Variants in ZNF626 observed in about 807,000 individuals in gnomAD.
ZNF626 encodes zinc finger protein 626, also known as CTC-513N18.7.
In ZNF626, 4 loss-of-function variants were observed where a neutral mutation model predicts 11.7. That is an observed-to-expected ratio of 0.34 (90% CI 0.17 to 0.78). ZNF626 has a LOEUF of 0.78. Ranked by LOEUF, ZNF626 falls within the 30% of genes least tolerant of loss-of-function variation. The probability of loss-of-function intolerance (pLI) is 0.57; values close to 1 mark genes in which losing one functional copy is unlikely to be tolerated. For missense variants in ZNF626, 588 were observed against 587.1 expected (o/e 1.00, Z -0.01); for synonymous variants, 179 against 198.6 (o/e 0.90, Z 0.83).
intron 1 of ZNF626, among the ~76,000 whole-genome samples, chr19:20,650,261 T>C (rs1970131896): frequency 6.9e-6 from 1 of 144,306 alleles, no homozygotes; most frequent in African/African-American, 2.5e-5. Context: ...AAAAAAACCA[T>C]AAAAAATTAA....
At chr19:20,633,359 G>C (rs1235500085) in intron 3 of ZNF626, among the ~76,000 whole-genome samples, 2 of 148,192 alleles carry the variant, frequency 1.3e-5, no homozygotes, top group Admixed American at 1.4e-4. Context: ...CTGTCTTTTT[G>C]TTTGTCTGTG....
intron 3 of ZNF626, among the ~76,000 whole-genome samples, chr19:20,637,100 A>AAAAAC (rs781929765): frequency 4.7e-4 from 72 of 151,994 alleles, no homozygotes; most frequent in African/African-American, 1.4e-3. Context: ...CTCAATCTCA[A>AAAAAC]AAAACAAAAC....
intron 2 of ZNF626, among the ~76,000 whole-genome samples, 197 bp from the exon 3 acceptor site, chr19:20,645,976 G>C (rs1970073034): frequency 6.6e-6 from 1 of 152,184 alleles, no homozygotes; most frequent in Non-Finnish European, 1.5e-5. Context: ...TGGTGCTACT[G>C]AATCAAAAAT....
chr19:20,652,451 A>G (rs868976092), intron 1 of ZNF626, among the ~76,000 whole-genome samples: 9 of 152,226 alleles, frequency 5.9e-5, no homozygotes, highest in Admixed American at 3.9e-4. Flanking sequence ...TGTAAAGACA[A>G]TAAGAGAAAC....
chr19:20,646,792 A>T (rs1228870362), intron 1 of ZNF626, among the ~76,000 whole-genome samples: 2 of 152,022 alleles, frequency 1.3e-5, no homozygotes, highest in East Asian at 1.9e-4. Flanking sequence ...AGCTGAAGAC[A>T]TCGTTATGCA....
rs1287925186 is a variant in ZNF626 at position 20,620,156 on chromosome 19, A to C, written c.*4134T>G. On this transcript the variant is annotated 3_prime_UTR_variant, in exon 4 of 4. Coordinates refer to ENST00000601440, the MANE Select transcript of ZNF626 (RefSeq NM_001076675.3). ...GAAGAGGGCTTTTATTGTTGTACTC[A>C]AGAGTGTTATTTCTGGAGACAAAGT... 6.6e-6 allele frequency: 1 copy of C among 152,156 alleles called. No individual in the cohort carries two copies. Among genetic ancestry groups the C allele is most frequent in the Non-Finnish European group, 1.5e-5 (1 of 68,020 alleles). 9.4% of individuals were successfully genotyped at this position (152,156 alleles called of 1,614,324 possible).
chr19:20,628,105 G>T (rs1217781110), intron 3 of ZNF626, among the ~76,000 whole-genome samples: 6 of 152,106 alleles, frequency 3.9e-5, no homozygotes, highest in Admixed American at 3.9e-4. Context: ...CAAAGGACAT[G>T]AACTCATCAT....
intron 1 of ZNF626, among the ~76,000 whole-genome samples, chr19:20,654,834 C>T (rs950498747): frequency 1.3e-5 from 2 of 151,374 alleles, no homozygotes; most frequent in Non-Finnish European, 2.9e-5. Flanking sequence ...TTAGAAAATA[C>T]TGTTTATGGC....
At position 20,654,848 on chromosome 19, in the gene ZNF626, C is replaced by T. The variant is rs987170170; in HGVS notation, c.3+6596G>A. 1.7e-4 allele frequency among the ~76,000 whole-genome samples: 25 copies of T among 151,162 alleles called. No homozygotes were observed. The South Asian group carries it at 1.7e-3, about 10-fold the overall frequency. On this transcript the variant is annotated intron_variant, in intron 1 of 3. Transcript: ENST00000601440. ...TTTAGAAAATACTGTTTATGGCTCA[C>T]GCCTGTAATCCCAGCACTTTGGGAG...
intron 1 of ZNF626, among the ~76,000 whole-genome samples, chr19:20,654,708 A>G (rs902556245): frequency 6.6e-6 from 1 of 152,176 alleles, no homozygotes; most frequent in Admixed American, 6.5e-5. Context: ...CGGAAAAAAA[A>G]AAATCCATAC....
chr19:20,654,819 C>T (rs1026068798), intron 1 of ZNF626, among the ~76,000 whole-genome samples: 1 of 151,830 alleles, frequency 6.6e-6, no homozygotes, highest in Non-Finnish European at 1.5e-5. Context: ...TGTATTCATA[C>T]TATTTTAGAA....
At position 20,646,373 on chromosome 19, in the gene ZNF626, T is replaced by A. The variant is rs1365545752; in HGVS notation, c.36A>T (p.Glu12Asp). Residue 12 changes from glutamate to aspartate, a missense_variant, in exon 2 of 4, where the codon GAA becomes GAT. Around this residue, in one of 4 missense-constraint regions of ZNF626, gnomAD observed 524 missense variants for 470.1 expected, o/e 1.11. Coordinates refer to ENST00000601440, the MANE Select transcript of ZNF626 (RefSeq NM_001076675.3). ...GPLQFRDVAI[E>D]FSLEEWHCLD... ...GGCAATGCCACTCCTCCAGAGAGAA[T>A]TCTATGGCCACATCTCTAAATTGCA... The A allele has an allele frequency of 6.2e-7, 1 of 1,614,098 alleles. No homozygotes were observed. Among genetic ancestry groups the A allele is most frequent in the Non-Finnish European group, 8.5e-7 (1 of 1,179,986 alleles).
At chr19:20,648,543 A>T (rs56243522) in intron 1 of ZNF626, among the ~76,000 whole-genome samples, 14,291 of 151,898 alleles carry the variant, frequency 0.094, 726 homozygotes, top group South Asian at 0.14. Context: ...AGCCCAGCAA[A>T]TTTTTTGTAT....
chr19:20,630,228 G>T (rs1352963047), intron 3 of ZNF626, among the ~76,000 whole-genome samples: 4 of 152,114 alleles, frequency 2.6e-5, no homozygotes, highest in African/African-American at 9.7e-5. Flanking sequence ...AAGGATATTG[G>T]TCGAAAATTC....
intron 1 of ZNF626, among the ~76,000 whole-genome samples, chr19:20,656,799 T>C (rs1377077470): frequency 1.3e-5 from 2 of 151,962 alleles, no homozygotes; most frequent in Non-Finnish European, 2.9e-5. Context: ...AAATAACAGA[T>C]GCTGGCAAGG....
At chr19:20,648,166 A>G (rs376983483) in intron 1 of ZNF626, among the ~76,000 whole-genome samples, 204 of 130,326 alleles carry the variant, frequency 1.6e-3, no homozygotes, top group African/African-American at 6.2e-3. Flanking sequence ...ACAAAGCCAG[A>G]CTCCGTGTCA....
rs1555768500 is a variant in ZNF626, at chr19:20,620,166, T to A, written c.*4124A>T. The stretch of plus-strand genomic sequence containing the variant: ...TTTATTGTTGTACTCAAGAGTGTTA[T>A]TTCTGGAGACAAAGTTGCCTGTGCT... On this transcript the variant is annotated 3_prime_UTR_variant, in exon 4 of 4. Coordinates refer to ENST00000601440, the MANE Select transcript of ZNF626 (RefSeq NM_001076675.3). The A allele has an allele frequency of 6.6e-6, 1 of 152,188 alleles. No individual in the cohort carries two copies. Among genetic ancestry groups the A allele is most frequent in the Non-Finnish European group, 1.5e-5 (1 of 68,032 alleles). The allele number at this position is 152,188 out of a possible 1,614,324, so 9.4% of individuals were successfully genotyped here. A position where few individuals can be genotyped will look rare whatever the true frequency, so the allele number is the denominator to read the frequency against.
At position 20,661,358 on chromosome 19, in the gene ZNF626, G is replaced by C. The variant is rs1183797966; in HGVS notation, c.3+86C>G. ...GGAGCAGACTGTGGAGCTGACTGCG[G>C]GGAGGCCTGAGTCCCGCCACAGCCA... On this transcript the variant is annotated intron_variant, in intron 1 of 3. Transcript: ENST00000601440. 1.9e-6 allele frequency: 3 copies of C among 1,553,992 alleles called. No individual in the cohort carries two copies. In the African/African-American group the frequency reaches 4.1e-5, roughly 21 times the overall value.
At chr19:20,631,817 T>A (rs1219958060) in intron 3 of ZNF626, among the ~76,000 whole-genome samples, 3 of 151,820 alleles carry the variant, frequency 2.0e-5, no homozygotes, top group Admixed American at 2.0e-4. Context: ...ATGTGTGAAT[T>A]TGATCCTGTC....
Sources: gnomAD v4.1 joint callset for allele counts (sites outside exome capture counted in the v4.1 genomes callset) on GRCh38, gnomAD v4.1.1 for gene constraint, gnomAD v4.1.1 regional missense constraint, MANE v1.5 for transcripts, NCBI Gene and HGNC (gene_info 2026-07-23, HGNC 2026-07-21) for gene names.